Variants in SLC17A5 observed in about 807,000 individuals in gnomAD.
The protein encoded by SLC17A5 is sialin.
In SLC17A5, 47 loss-of-function variants were observed where a neutral mutation model predicts 59.4. That is an observed-to-expected ratio of 0.79 (90% CI 0.63 to 1.01). SLC17A5 has a LOEUF of 1.01. Ranked by LOEUF, SLC17A5 falls within the 50% of genes least tolerant of loss-of-function variation. The probability of loss-of-function intolerance (pLI) is 0.00; values close to 1 mark genes in which losing one functional copy is unlikely to be tolerated. For missense variants in SLC17A5, 522 were observed against 595.5 expected, an observed-to-expected ratio of 0.88 and a Z score of 1.28; for synonymous variants, 202 against 210.7, an observed-to-expected ratio of 0.96 and a Z score of 0.36.
chr6:73,615,692 G>A (rs778194171), intron 7 of SLC17A5, among the ~76,000 whole-genome samples: 105 of 152,120 alleles, frequency 6.9e-4, no homozygotes, highest in Non-Finnish European at 1.3e-3. Flanking sequence ...TGTCTGCTTC[G>A]GGTAATCTTG....
chr6:73,617,992 G>T (rs1333479534), intron 7 of SLC17A5, among the ~76,000 whole-genome samples: 2 of 152,084 alleles, frequency 1.3e-5, no homozygotes, highest in African/African-American at 2.4e-5. Flanking sequence ...CCCTTTGGGA[G>T]GCCAAGGCAA....
chr6:73,647,753 G>C (rs574363773), intron 1 of SLC17A5, among the ~76,000 whole-genome samples: 5 of 152,220 alleles, frequency 3.3e-5, no homozygotes, highest in Admixed American at 2.0e-4. Flanking sequence ...TTTAACTTTT[G>C]GATGCATAGT....
At chr6:73,635,282 G>C (rs1013663836) in intron 6 of SLC17A5, 100 bp downstream of exon 6, 2 of 716,286 alleles carry the variant, frequency 2.8e-6, no homozygotes, top group Non-Finnish European at 4.9e-6. Context: ...ACTTTGTCTA[G>C]AGCATGCACA....
intron 9 of SLC17A5, among the ~76,000 whole-genome samples, chr6:73,601,891 G>A (rs867834632): frequency 6.5e-3 from 846 of 130,556 alleles, no homozygotes; most frequent in Admixed American, 8.6e-3. Context: ...GCCCCTACTG[G>A]GAAGTGAGGA....
At chr6:73,638,134 A>C (rs1769109810) in intron 4 of SLC17A5, among the ~76,000 whole-genome samples, 1 of 152,194 alleles carries the variant, frequency 6.6e-6, no homozygotes, top group Non-Finnish European at 1.5e-5. Flanking sequence ...CAGAAAAAGA[A>C]AAAAAATAGC....
rs768496122 is a variant in SLC17A5, at chr6:73,644,453, G to A, written c.245C>T (p.Ala82Val). ...TATGGGAGCAGAATGCTCTGGACAC[G>A]CCTTGGAAGTTCTATTATCTTCTAA... ...TTLEDNRTSK[A>V]CPEHSAPIKV... Residue 82 changes from alanine to valine, a missense_variant, in exon 2 of 11, where the codon GCG becomes GTG. Ala to Val is a moderately conservative substitution (Grantham distance 64). This residue lies in a region of SLC17A5 where 338 missense variants were observed against 363.8 expected (regional missense o/e 0.93). Transcript: ENST00000355773. 11 of 1,613,810 alleles carry A rather than the reference G, an allele frequency of 6.8e-6. No individual in the cohort carries two copies. The highest frequency in any genetic ancestry group is 4.0e-5 in the African/African-American group (3 of 74,882).
chr6:73,630,687 T>C (rs57315094), intron 6 of SLC17A5, among the ~76,000 whole-genome samples: 24,818 of 152,006 alleles, frequency 0.16, 3,134 homozygotes, highest in African/African-American at 0.35. Context: ...AACAGCCACA[T>C]TTCCTAGAAG....
chr6:73,595,045 A>T lies in SLC17A5; in HGVS notation c.*32T>A. On this transcript the variant is annotated 3_prime_UTR_variant, in exon 11 of 11. Transcript: ENST00000355773. Reference sequence around the variant, plus strand: ...GAGGTTACATGATAAATAAAAATACATTAATAGAGGCAGGATTATTTATTG... The same window carrying T: ...GAGGTTACATGATAAATAAAAATACTTTAATAGAGGCAGGATTATTTATTG... 6.2e-7 allele frequency: 1 copy of T among 1,612,486 alleles called. No individual in the cohort carries two copies. The highest frequency in any genetic ancestry group is 8.5e-7 in the Non-Finnish European group (1 of 1,178,554).
chr6:73,611,664 A>G (rs906741017), intron 8 of SLC17A5, among the ~76,000 whole-genome samples: 1 of 151,866 alleles, frequency 6.6e-6, no homozygotes, highest in African/African-American at 2.4e-5. Flanking sequence ...TGGTCATTAC[A>G]GGCAGTTAAG....
intron 5 of SLC17A5, 104 bp from the exon 6 acceptor site, chr6:73,635,604 A>C (rs1768956935): frequency 1.6e-6 from 1 of 629,090 alleles, no homozygotes; most frequent in African/African-American, 1.8e-5. Context: ...CAATTTTTAC[A>C]TGTCTTGAAA....
intron 9 of SLC17A5, among the ~76,000 whole-genome samples, chr6:73,603,748 T>C (rs1033164657): frequency 6.6e-6 from 1 of 152,176 alleles, no homozygotes; most frequent in Non-Finnish European, 1.5e-5. Flanking sequence ...ACTAGGATGT[T>C]TGTCCTGTAT....
At chr6:73,634,970 C>A (rs181861193) in intron 6 of SLC17A5, among the ~76,000 whole-genome samples, 26 of 152,218 alleles carry the variant, frequency 1.7e-4, no homozygotes, top group Non-Finnish European at 3.4e-4. Flanking sequence ...ATAATCACTA[C>A]ACTAAAAGGT....
chr6:73,635,497 G>A lies in SLC17A5; in HGVS notation c.704C>T (p.Thr235Ile), dbSNP rs540645365. Reference protein sequence around the residue: ...NWTYVFYFFGTIGIFWFLLWI... With the variant: ...NWTYVFYFFGIIGIFWFLLWI... ...CAAAAGAAACCAAAATATTCCAATA[G>A]TACCTTAAAATAGAAAAATAATAGT... The change falls in exon 6 of 11, where the codon ACT becomes ATT. Residue 235 changes from threonine to isoleucine, a missense_variant. Physicochemically the swap from Thr to Ile is moderately conservative, Grantham distance 89. Coordinates refer to ENST00000355773, the MANE Select transcript of SLC17A5 (RefSeq NM_012434.5). The A allele has an allele frequency of 2.0e-5, 29 of 1,487,050 alleles. No homozygotes were observed. In the Admixed American group the frequency reaches 4.3e-4, roughly 22 times the overall value. 92.1% of individuals were successfully genotyped at this position (1,487,050 alleles called of 1,614,324 possible). A position where few individuals can be genotyped will look rare whatever the true frequency, so the allele number is the denominator to read the frequency against.
At chr6:73,623,662 TTTTATTTATTTATTTATTTATTTA>T (rs145897192) in intron 6 of SLC17A5, among the ~76,000 whole-genome samples, 15 of 136,758 alleles carry the variant, frequency 1.1e-4, no homozygotes, top group Non-Finnish European at 1.9e-4. Context: ...TGTCTTTTAT[TTTTATTTATTTATTTATTTATTTA>T]TTTATTTATT....
intron 2 of SLC17A5, 125 bp downstream of exon 2, chr6:73,644,282 G>GA (rs1769433792): frequency 5.3e-6 from 4 of 760,176 alleles, no homozygotes; most frequent in Admixed American, 2.7e-5. Context: ...AACACAAAAA[G>GA]AAAGTGATTC....
At chr6:73,596,250 G>A (rs144578132) in intron 10 of SLC17A5, among the ~76,000 whole-genome samples, 2 of 152,106 alleles carry the variant, frequency 1.3e-5, no homozygotes, top group Non-Finnish European at 2.9e-5. Context: ...GCCTGTGCAC[G>A]GTCTCCTGGG....
At chr6:73,621,463 C>G (rs1768150429) in intron 7 of SLC17A5, among the ~76,000 whole-genome samples, 1 of 152,178 alleles carries the variant, frequency 6.6e-6, no homozygotes, top group Admixed American at 6.5e-5. Flanking sequence ...CTTACATGTG[C>G]TTATTGGCCA....
chr6:73,647,484 C>A (rs1383899825), intron 1 of SLC17A5, among the ~76,000 whole-genome samples: 1 of 152,192 alleles, frequency 6.6e-6, no homozygotes, highest in Non-Finnish European at 1.5e-5. Flanking sequence ...TAGTAATTCT[C>A]TTACTCTAAA....
chr6:73,632,434 C>CTTTTTTTTTTTT (rs1163170650), intron 6 of SLC17A5, among the ~76,000 whole-genome samples: 1 of 86,764 alleles, frequency 1.2e-5, no homozygotes, highest in Non-Finnish European at 2.3e-5. Context: ...GTAGAGAAAG[C>CTTTTTTTTTTTT]TTTTTTTTTT....
Sources: gnomAD v4.1 joint callset for allele counts (sites outside exome capture counted in the v4.1 genomes callset) on GRCh38, gnomAD v4.1.1 for gene constraint, gnomAD v4.1.1 regional missense constraint, MANE v1.5 for transcripts, NCBI Gene and HGNC (gene_info 2026-07-23, HGNC 2026-07-21) for gene names.